The following TNFAIP8 variants were observed in gnomAD, a reference collection of about 807,000 sequenced individuals.
TNFAIP8 encodes the protein TNF alpha induced protein 8.
Under a neutral mutation model 13.3 loss-of-function variants are expected in TNFAIP8, and 7 were observed. The ratio of observed to expected loss-of-function variants is 0.52; its 90% CI spans 0.30 to 0.99. The LOEUF is 0.99. Among genes scored for constraint, TNFAIP8 ranks in the 50% least tolerant of loss-of-function variants. The pLI is 0.07. For missense variants in TNFAIP8, 258 were observed against 236.9 expected, an observed-to-expected ratio of 1.09 and a Z score of -0.58; for synonymous variants, 94 against 87.6, an observed-to-expected ratio of 1.07 and a Z score of -0.41.
intron 1 of TNFAIP8, chr5:119,306,305 TC>T (rs1348957568): frequency 2.7e-5 from 4 of 145,498 alleles, no homozygotes; most frequent in Non-Finnish European, 4.4e-5. Flanking sequence ...TTTTCTTTTT[TC>T]TTTCTTTCTT....
At chr5:119,320,486 A>C (rs1283376298) in intron 1 of TNFAIP8, among the ~76,000 whole-genome samples, 2 of 152,146 alleles carry the variant, frequency 1.3e-5, no homozygotes, top group Non-Finnish European at 2.9e-5. Context: ...CTGCTAGAAG[A>C]CTTGTCTCCT....
At chr5:119,272,063 C>T (rs1257584886) in intron 1 of TNFAIP8, among the ~76,000 whole-genome samples, 1 of 152,098 alleles carries the variant, frequency 6.6e-6, no homozygotes, top group Non-Finnish European at 1.5e-5. Flanking sequence ...AAACAGAGAA[C>T]CATGTTGCAA....
rs1752982618 is a variant in TNFAIP8, at chr5:119,393,524, T to G, written c.*143T>G. ...CAATTCAGTTGTCAGACATAATGAT[T>G]TATTTGAAGGCTTGTTTTATTTGAA... On this transcript the variant is annotated 3_prime_UTR_variant, in exon 2 of 2. Transcript: ENST00000504771. The G allele has an allele frequency of 1.1e-6, 1 of 895,332 alleles. No individual in the cohort carries two copies. The allele number at this position is 895,332 out of a possible 1,614,324, so 55.5% of individuals were successfully genotyped here.
intron 1 of TNFAIP8, among the ~76,000 whole-genome samples, chr5:119,374,705 T>C (rs1752215152): frequency 6.6e-6 from 1 of 152,280 alleles, no homozygotes; most frequent in East Asian, 1.9e-4. Context: ...CTAGGGCATA[T>C]GCCTACGGGA....
chr5:119,385,675 A>T (rs983816638), intron 1 of TNFAIP8, among the ~76,000 whole-genome samples: 1 of 152,224 alleles, frequency 6.6e-6, no homozygotes, highest in Admixed American at 6.5e-5. Flanking sequence ...GAAAGAGAAG[A>T]TGTAACTCCT....
chr5:119,334,936 C>T (rs1468274650), intron 1 of TNFAIP8, among the ~76,000 whole-genome samples: 1 of 152,094 alleles, frequency 6.6e-6, no homozygotes, highest in Non-Finnish European at 1.5e-5. Flanking sequence ...GTACATAAAG[C>T]TTCCAAGGCT....
In TNFAIP8 at chr5:119,395,202, A is replaced by G. The variant is rs147403905; in HGVS notation, c.*1821A>G. On this transcript the variant is annotated 3_prime_UTR_variant, in exon 2 of 2. Transcript: ENST00000504771. ...TAGGTGATCAGTATATGCTGTAACA[A>G]TAACACAGTGACTACAGAAATGACC... 2.3e-3 allele frequency: 351 copies of G among 152,358 alleles called. 1 individual carries two copies. Among genetic ancestry groups the G allele is most frequent in the African/African-American group, 8.3e-3 (344 of 41,588 alleles). 9.4% of individuals were successfully genotyped at this position (152,358 alleles called of 1,614,324 possible). A position where few individuals can be genotyped will look rare whatever the true frequency, so the allele number is the denominator to read the frequency against.
intron 1 of TNFAIP8, among the ~76,000 whole-genome samples, chr5:119,310,106 A>G (rs561873387): frequency 6.6e-6 from 1 of 152,264 alleles, no homozygotes; most frequent in Non-Finnish European, 1.5e-5. Flanking sequence ...TTTCTTCCCC[A>G]AGGAGATGGT....
rs1345745201 is a variant in TNFAIP8, at chr5:119,394,933, T to G, written c.*1552T>G. 2.6e-5 allele frequency: 4 copies of G among 152,072 alleles called. No individual in the cohort carries two copies. The highest frequency in any genetic ancestry group is 1.3e-4 in the Admixed American group (2 of 15,258). 9.4% of individuals were successfully genotyped at this position (152,072 alleles called of 1,614,324 possible). A position where few individuals can be genotyped will look rare whatever the true frequency, so the allele number is the denominator to read the frequency against. ...TTAGTGTACTCTCTTGCCTTAAATT[T>G]GCCTGCCTCCCAGAATATTGACATT... On this transcript the variant is annotated 3_prime_UTR_variant, in exon 2 of 2. Transcript: ENST00000504771.
At chr5:119,331,429 T>C (rs888608747) in intron 1 of TNFAIP8, among the ~76,000 whole-genome samples, 1 of 152,172 alleles carries the variant, frequency 6.6e-6, no homozygotes, top group Non-Finnish European at 1.5e-5. Context: ...CGGGGATATC[T>C]TGGGCATTCT....
chr5:119,330,706 T>C (rs1750350628), intron 1 of TNFAIP8, among the ~76,000 whole-genome samples: 1 of 152,144 alleles, frequency 6.6e-6, no homozygotes, highest in Non-Finnish European at 1.5e-5. Flanking sequence ...CGAGATAACG[T>C]GGAGTACACA....
intron 1 of TNFAIP8, among the ~76,000 whole-genome samples, chr5:119,386,409 C>G (rs1381636339): frequency 6.6e-6 from 1 of 152,190 alleles, no homozygotes; most frequent in Non-Finnish European, 1.5e-5. Context: ...GCAATATTAT[C>G]AGTTTTCTAC....
intron 1 of TNFAIP8, among the ~76,000 whole-genome samples, chr5:119,369,654 T>C (rs1401452721): frequency 6.6e-6 from 1 of 152,226 alleles, no homozygotes; most frequent in Non-Finnish European, 1.5e-5. Flanking sequence ...TTTTTAGGCA[T>C]AGGACTGTGT....
chr5:119,335,283 T>C (rs773592621), intron 1 of TNFAIP8, among the ~76,000 whole-genome samples: 1 of 152,186 alleles, frequency 6.6e-6, no homozygotes, highest in Non-Finnish European at 1.5e-5. Context: ...CTAGGAATTT[T>C]AAATGAACGA....
At chr5:119,316,108 T>G (rs1444898763) in intron 1 of TNFAIP8, 1 of 151,916 alleles carries the variant, frequency 6.6e-6, no homozygotes, top group Non-Finnish European at 1.5e-5. Context: ...CCTAAAAGGG[T>G]AAAGAACTTT....
intron 1 of TNFAIP8, among the ~76,000 whole-genome samples, chr5:119,384,906 T>C (rs1215415704): frequency 1.3e-5 from 2 of 152,100 alleles, no homozygotes; most frequent in African/African-American, 4.8e-5. Flanking sequence ...GAGTTGAAAC[T>C]CAGGAAATGA....
At chr5:119,271,353 C>T (rs1363257245) in intron 1 of TNFAIP8, among the ~76,000 whole-genome samples, 4 of 152,172 alleles carry the variant, frequency 2.6e-5, no homozygotes. Context: ...CCAGGCACTG[C>T]AGAGGTCTCA....
At chr5:119,293,973 T>C (rs1040386583) in intron 1 of TNFAIP8, among the ~76,000 whole-genome samples, 4 of 152,206 alleles carry the variant, frequency 2.6e-5, no homozygotes, top group Non-Finnish European at 4.4e-5. Context: ...TTTACCTTCA[T>C]TGGAACCAAA....
At chr5:119,364,979 G>A (rs895907234) in intron 1 of TNFAIP8, among the ~76,000 whole-genome samples, 1 of 150,232 alleles carries the variant, frequency 6.7e-6, no homozygotes, top group African/African-American at 2.5e-5. Context: ...AGCCTCCCGA[G>A]TAGCTGGGAT....
Sources: gnomAD v4.1 joint callset for allele counts (sites outside exome capture counted in the v4.1 genomes callset) on GRCh38, gnomAD v4.1.1 for gene constraint, MANE v1.5 for transcripts, NCBI Gene and HGNC (gene_info 2026-07-23, HGNC 2026-07-21) for gene names.